Variants in THOC2 observed in about 807,000 individuals in gnomAD.
THOC2 encodes THO complex subunit 2, also known as THO complex 2.
THOC2 carries 10 observed loss-of-function variants against 128.4 expected under a neutral mutation model. The ratio of observed to expected loss-of-function variants is 0.08; its 90% CI spans 0.05 to 0.13. THOC2 has a LOEUF of 0.13. THOC2 is among the 10% of genes least tolerant of loss of function. The pLI is 1.00. For synonymous variants in THOC2, 393 were observed against 396.9 expected (o/e 0.99, Z 0.12); for missense variants, 535 against 1,155.7 (o/e 0.46, Z 7.79).
intron 32 of THOC2, chrX:123,620,705 A>C: frequency 2.8e-6 from 1 of 353,857 alleles, no homozygotes; most frequent in Non-Finnish European, 4.8e-6. Context: ...TAAGTCCTTG[A>C]AGTTTTAACA....
intron 38 of THOC2, among the ~76,000 whole-genome samples, chrX:123,606,173 C>CA (rs2099451189): frequency 9.3e-6 from 1 of 107,152 alleles, no homozygotes; most frequent in African/African-American, 3.4e-5. Context: ...GGTGGTGGCT[C>CA]ACATGTGTAA....
chrX:123,686,844 G>C, intron 7 of THOC2, 130 bp from the exon 8 acceptor site: 1 of 523,040 alleles, frequency 1.9e-6, no homozygotes, highest in Non-Finnish European at 3.0e-6. Flanking sequence ...TTACAAATTT[G>C]CTTCCTCTCT....
At chrX:123,666,744 A>AG (rs1333560554) in intron 11 of THOC2, among the ~76,000 whole-genome samples, 1 of 111,878 alleles carries the variant, frequency 8.9e-6, no homozygotes, top group Non-Finnish European at 1.9e-5. Flanking sequence ...GCCAGGATGG[A>AG]GAAAAATTAC....
intron 12 of THOC2, 90 bp downstream of exon 12, chrX:123,665,552 A>G: frequency 3.2e-6 from 2 of 621,122 alleles, no homozygotes; most frequent in Non-Finnish European, 4.7e-6. Flanking sequence ...AATGAGGTTC[A>G]TATTTTTATT....
intron 38 of THOC2, among the ~76,000 whole-genome samples, chrX:123,606,575 C>CAG (rs2147515196): frequency 9.0e-6 from 1 of 111,146 alleles, no homozygotes; most frequent in Non-Finnish European, 1.9e-5. Flanking sequence ...GCATGGGTGA[C>CAG]AGAGAGAGAC....
At chrX:123,707,626 T>C (rs2050989484) in intron 2 of THOC2, among the ~76,000 whole-genome samples, 1 of 111,243 alleles carries the variant, frequency 9.0e-6, no homozygotes, top group Non-Finnish European at 1.9e-5. Context: ...TTGGAGTGGG[T>C]AGTTAGTGGT....
intron 10 of THOC2, among the ~76,000 whole-genome samples, 194 bp from the exon 11 acceptor site, chrX:123,667,472 C>T (rs956151298): frequency 8.9e-6 from 1 of 111,790 alleles, no homozygotes; most frequent in Non-Finnish European, 1.9e-5. Context: ...GGCGCAGCGG[C>T]TCACACCTAT....
At chrX:123,639,470 G>A (rs1421352177) in intron 16 of THOC2, among the ~76,000 whole-genome samples, 1 of 111,702 alleles carries the variant, frequency 9.0e-6, no homozygotes, top group Admixed American at 9.5e-5. Flanking sequence ...CACCTCCTTG[G>A]TTAGATGTAT....
chrX:123,635,172 A>C (rs1047427470), intron 19 of THOC2, among the ~76,000 whole-genome samples: 1 of 111,560 alleles, frequency 9.0e-6, no homozygotes, highest in Non-Finnish European at 1.9e-5. Context: ...TTTTTTCTTT[A>C]AACTATGTTT....
intron 12 of THOC2, among the ~76,000 whole-genome samples, chrX:123,660,277 T>C (rs1167149138): frequency 9.0e-6 from 1 of 111,335 alleles, no homozygotes; most frequent in Non-Finnish European, 1.9e-5. Flanking sequence ...TAATATTGTA[T>C]ATGGTTATGT....
chrX:123,670,160 G>A (rs1355355319), intron 9 of THOC2, among the ~76,000 whole-genome samples: 1 of 111,395 alleles, frequency 9.0e-6, no homozygotes, highest in Non-Finnish European at 1.9e-5. Flanking sequence ...TACTAATATG[G>A]CTCTCCACTC....
chrX:123,696,357 G>A (rs1375738803), intron 6 of THOC2, among the ~76,000 whole-genome samples: 2 of 110,591 alleles, frequency 1.8e-5, no homozygotes, highest in African/African-American at 6.6e-5. Context: ...AATTACATAG[G>A]GAAAACCAGT....
intron 1 of THOC2, among the ~76,000 whole-genome samples, chrX:123,731,808 C>A (rs988763144): frequency 1.8e-5 from 2 of 111,226 alleles, no homozygotes; most frequent in Non-Finnish European, 3.8e-5. Context: ...TCCGGCAACG[C>A]GTTCCTCGTG....
intron 7 of THOC2, among the ~76,000 whole-genome samples, chrX:123,692,031 A>C (rs1230595490): frequency 7.1e-5 from 8 of 112,052 alleles, no homozygotes; most frequent in African/African-American, 2.6e-4. Context: ...AATATTTACT[A>C]TCTCACCCTT....
chrX:123,702,252 T>A (rs1396986530), intron 4 of THOC2, among the ~76,000 whole-genome samples: 2 of 110,301 alleles, frequency 1.8e-5, no homozygotes, highest in Non-Finnish European at 3.8e-5. Context: ...CTGGGCAACA[T>A]AGCGAGACTC....
At chrX:123,642,224 GACCA>G (rs2047945985) in intron 15 of THOC2, among the ~76,000 whole-genome samples, 3 of 111,253 alleles carry the variant, frequency 2.7e-5, no homozygotes, top group Non-Finnish European at 5.7e-5. Context: ...AGGAGTTCGA[GACCA>G]GCCTGGCCAA....
intron 1 of THOC2, among the ~76,000 whole-genome samples, chrX:123,726,164 G>A (rs987265987): frequency 3.6e-5 from 4 of 110,207 alleles, no homozygotes; most frequent in Admixed American, 1.9e-4. Context: ...GGTCGAGATC[G>A]CACCACTGCA....
At position 123,712,920 on chromosome X, in the gene THOC2, T is replaced by C. The variant is rs760394038; in HGVS notation, c.72-12A>G. ...GACATAAATGCAAACTAGAATAAAA[T>C]AGAAAACATGTATTTCAATTTCCAC... On this transcript the variant is annotated splice_polypyrimidine_tract_variant and intron_variant, in intron 1 of 38. Coordinates refer to ENST00000245838, the MANE Select transcript of THOC2 (RefSeq NM_001081550.2). 9.9e-6 allele frequency: 11 copies of C among 1,115,950 alleles called. No individual in the cohort carries two copies. The highest frequency in any genetic ancestry group is 8.3e-5 in the South Asian group (4 of 48,453). 92.0% of individuals were successfully genotyped at this position (1,115,950 alleles called of 1,213,427 possible). A position where few individuals can be genotyped will look rare whatever the true frequency, so the allele number is the denominator to read the frequency against.
rs202147497 is a variant in THOC2, at chrX:123,624,837, G to GT, written c.3058-169dup. Among the ~76,000 whole-genome samples, 564 of 111,154 alleles carry GT rather than the reference G, an allele frequency of 5.1e-3. 6 individuals are homozygous for GT. Among genetic ancestry groups the GT allele is most frequent in the African/African-American group, 0.018 (542 of 30,627 alleles). Reference sequence around the variant, plus strand: ...GAGAACTTTGGAGATTTTGGCTTTTGTGGGGAAATAATGCATTCATAAAAC... The same window carrying GT: ...GAGAACTTTGGAGATTTTGGCTTTTGTTGGGGAAATAATGCATTCATAAAAC... On this transcript the variant is annotated intron_variant, in intron 25 of 38. Coordinates refer to ENST00000245838, the MANE Select transcript of THOC2 (RefSeq NM_001081550.2).
Sources: allele counts gnomAD v4.1 joint callset (sites outside exome capture counted in the v4.1 genomes callset), GRCh38; gene constraint gnomAD v4.1.1; transcripts MANE v1.5; gene names NCBI Gene and HGNC (gene_info 2026-07-23, HGNC 2026-07-21).